The following NRG1 variants were observed in gnomAD, a reference collection of about 807,000 sequenced individuals.
NRG1 encodes the protein pro-neuregulin-1, membrane-bound isoform.
Under a neutral mutation model 63.8 loss-of-function variants are expected in NRG1, and 18 were observed. The ratio of observed to expected loss-of-function variants is 0.28; its 90% CI spans 0.19 to 0.42. The LOEUF (loss-of-function observed/expected upper bound fraction) is 0.42, where lower values mean the gene tolerates loss of function less well. Ranked by LOEUF, NRG1 falls within the 10% of genes least tolerant of loss-of-function variation. The probability of loss-of-function intolerance (pLI) is 1.00; values close to 1 mark genes in which losing one functional copy is unlikely to be tolerated. For synonymous variants in NRG1, 302 were observed against 301.3 expected (o/e 1.00, Z -0.02); for missense variants, 762 against 814.7 (o/e 0.94, Z 0.79).
chr8:31,952,737 C>T (rs1173513549), intron 1 of NRG1, among the ~76,000 whole-genome samples: 1 of 152,190 alleles, frequency 6.6e-6, no homozygotes, highest in Non-Finnish European at 1.5e-5. Context: ...TGGAGTTTTG[C>T]CCTTGTCAAA....
chr8:31,654,610 T>G (rs936697172), intron 1 of NRG1, among the ~76,000 whole-genome samples: 1 of 152,204 alleles, frequency 6.6e-6, no homozygotes, highest in Non-Finnish European at 1.5e-5. Flanking sequence ...GGGATATATC[T>G]CTTCATTAAA....
chr8:31,975,827 A>AG (rs1207972903), intron 1 of NRG1, among the ~76,000 whole-genome samples: 1 of 152,212 alleles, frequency 6.6e-6, no homozygotes, highest in Non-Finnish European at 1.5e-5. Flanking sequence ...CTTTACATGG[A>AG]GAAAAAAGTC....
intron 1 of NRG1, among the ~76,000 whole-genome samples, chr8:31,796,571 G>A (rs1016128254): frequency 2.6e-5 from 4 of 151,448 alleles, no homozygotes; most frequent in South Asian, 4.2e-4. Context: ...TAGCTGGGAC[G>A]ACAGGCTCCC....
chr8:32,333,388 A>G (rs560968579), intron 1 of NRG1, among the ~76,000 whole-genome samples: 12 of 152,286 alleles, frequency 7.9e-5, no homozygotes, highest in Non-Finnish European at 2.9e-5. Flanking sequence ...CTCCTATGGT[A>G]TTAACTTGGC....
At chr8:32,124,521 C>CA (rs980761478) in intron 1 of NRG1, among the ~76,000 whole-genome samples, 9 of 149,574 alleles carry the variant, frequency 6.0e-5, no homozygotes, top group South Asian at 4.2e-4. Context: ...CAAGATTTTT[C>CA]AAAAAAAAAT....
At chr8:31,712,971 GTCCA>G (rs1478606849) in intron 1 of NRG1, among the ~76,000 whole-genome samples, 1 of 146,076 alleles carries the variant, frequency 6.8e-6, no homozygotes, top group African/African-American at 2.6e-5. Context: ...TCATCTCTCT[GTCCA>G]TCCATCCACC....
intron 1 of NRG1, among the ~76,000 whole-genome samples, chr8:32,361,726 A>G (rs1807239812): frequency 6.6e-6 from 1 of 152,150 alleles, no homozygotes; most frequent in Admixed American, 6.6e-5. Context: ...TTCATTGCTC[A>G]AACTTCCTGT....
At chr8:32,029,001 GGC>G (rs1563698103) in intron 1 of NRG1, among the ~76,000 whole-genome samples, 1 of 152,076 alleles carries the variant, frequency 6.6e-6, no homozygotes, top group Non-Finnish European at 1.5e-5. Context: ...TCCTGAAAGT[GGC>G]ATTCATCTCT....
At chr8:32,488,468 C>T (rs991499772) in intron 1 of NRG1, among the ~76,000 whole-genome samples, 1 of 152,036 alleles carries the variant, frequency 6.6e-6, no homozygotes, top group African/African-American at 2.4e-5. Flanking sequence ...GGAAATACCC[C>T]CCAAAATAGC....
In NRG1 at chr8:31,754,455, T is replaced by C. The variant is rs186680951; in HGVS notation, c.37+115024T>C. Among the ~76,000 whole-genome samples, 10 of 152,178 alleles carry C rather than the reference T, an allele frequency of 6.6e-5. No homozygotes were observed. In the East Asian group the frequency reaches 1.6e-3, roughly 24 times the overall value. On this transcript the variant is annotated intron_variant, in intron 1 of 10. Transcript: ENST00000519301. ...ACACCCTCTTTGCCTTCCACCATGA[T>C]TGTAAGTTTCCTGAGGCCTCCCCAG...
chr8:32,223,813 T>C (rs955419566), intron 1 of NRG1, among the ~76,000 whole-genome samples: 1 of 152,146 alleles, frequency 6.6e-6, no homozygotes, highest in Admixed American at 6.6e-5. Flanking sequence ...CGGAAAATTA[T>C]GGGTTATAAA....
chr8:32,674,038 T>C (rs772698054), intron 5 of NRG1, among the ~76,000 whole-genome samples: 1 of 152,204 alleles, frequency 6.6e-6, no homozygotes, highest in East Asian at 1.9e-4. Context: ...TTTATCCTAA[T>C]ATACAGGACA....
intron 1 of NRG1, among the ~76,000 whole-genome samples, chr8:31,993,139 G>A (rs2129632867): frequency 6.6e-6 from 1 of 152,054 alleles, no homozygotes; most frequent in African/African-American, 2.4e-5. Context: ...AAGTCTGTGG[G>A]GTTGACTCGA....
chr8:32,322,055 G>A (rs952390701), intron 1 of NRG1, among the ~76,000 whole-genome samples: 1 of 151,860 alleles, frequency 6.6e-6, no homozygotes, highest in African/African-American at 2.4e-5. Context: ...GTGCATACCT[G>A]TATCCCCAGC....
intron 1 of NRG1, among the ~76,000 whole-genome samples, chr8:31,667,808 G>A (rs1384065397): frequency 6.6e-6 from 1 of 152,082 alleles, no homozygotes; most frequent in African/African-American, 2.4e-5. Context: ...GAAAGAAAGA[G>A]TATCCTAAAA....
chr8:31,817,931 A>G (rs564897290), intron 1 of NRG1, among the ~76,000 whole-genome samples: 1 of 152,334 alleles, frequency 6.6e-6, no homozygotes, highest in South Asian at 2.1e-4. Flanking sequence ...TGTTTATTTT[A>G]TATTTTTAAT....
At chr8:32,338,815 C>A (rs936032154) in intron 1 of NRG1, among the ~76,000 whole-genome samples, 2 of 152,126 alleles carry the variant, frequency 1.3e-5, no homozygotes, top group Non-Finnish European at 2.9e-5. Flanking sequence ...ACTCTGTATA[C>A]TCCGGAGAAT....
chr8:32,693,589 A>G (rs1427608761), intron 5 of NRG1, among the ~76,000 whole-genome samples: 1 of 150,886 alleles, frequency 6.6e-6, no homozygotes, highest in East Asian at 1.9e-4. Flanking sequence ...CCAAAGTGGC[A>G]TAAAAGGCCC....
chr8:32,475,269 A>G (rs1824368974), intron 1 of NRG1, among the ~76,000 whole-genome samples: 1 of 151,902 alleles, frequency 6.6e-6, no homozygotes, highest in Non-Finnish European at 1.5e-5. Context: ...GATCGAGACC[A>G]TCCTGGCCAA....
Sources: gnomAD v4.1 joint callset for allele counts (sites outside exome capture counted in the v4.1 genomes callset) on GRCh38, gnomAD v4.1.1 for gene constraint, MANE v1.5 for transcripts, NCBI Gene and HGNC (gene_info 2026-07-23, HGNC 2026-07-21) for gene names.